Variants in TSGA10 observed in about 807,000 individuals in gnomAD.
The protein encoded by TSGA10 is testis-specific gene 10 protein.
In TSGA10, 43 loss-of-function variants were observed where a neutral mutation model predicts 96.6. The ratio of observed to expected loss-of-function variants is 0.44; its 90% CI spans 0.35 to 0.57. The LOEUF (loss-of-function observed/expected upper bound fraction) is 0.57, where lower values mean the gene tolerates loss of function less well. Ranked by LOEUF, TSGA10 falls within the 20% of genes least tolerant of loss-of-function variation. The probability of loss-of-function intolerance (pLI) is 0.01; values close to 1 mark genes in which losing one functional copy is unlikely to be tolerated. For missense variants in TSGA10, 703 were observed against 834.4 expected, an observed-to-expected ratio of 0.84 and a Z score of 1.94; for synonymous variants, 229 against 269.9, an observed-to-expected ratio of 0.85 and a Z score of 1.48.
chr2:99,019,532 C>G (rs181852809), intron 18 of TSGA10, among the ~76,000 whole-genome samples: 1 of 152,268 alleles, frequency 6.6e-6, no homozygotes, highest in African/African-American at 2.4e-5. Context: ...GAAGCCCTTG[C>G]CTAGTCAGGG....
At chr2:99,127,594 A>G (rs2092896238) in intron 1 of TSGA10, among the ~76,000 whole-genome samples, 1 of 152,240 alleles carries the variant, frequency 6.6e-6, no homozygotes, top group Admixed American at 6.5e-5. Context: ...ATCCCTAGAA[A>G]TAAAAAAGAT....
At chr2:99,089,056 A>G (rs1338669966) in intron 10 of TSGA10, among the ~76,000 whole-genome samples, 4 of 152,190 alleles carry the variant, frequency 2.6e-5, no homozygotes, top group Admixed American at 2.0e-4. Context: ...GACCTGAGAG[A>G]CAGCCCACAT....
chr2:99,065,686 C>T lies in TSGA10; in HGVS notation c.1219-562G>A, dbSNP rs930210884. Among the ~76,000 whole-genome samples, 5 of 152,146 alleles carry T rather than the reference C, an allele frequency of 3.3e-5. No homozygotes were observed. In the East Asian group the frequency reaches 9.6e-4, roughly 29 times the overall value. On this transcript the variant is annotated intron_variant, in intron 15 of 20. Transcript: ENST00000393483. ...CTGTTCTATGATTATCTTTTACCTGCTAGTCTAGTAACTTTCCCTGCCAGT... is the reference window on the plus strand; with the variant it reads ...CTGTTCTATGATTATCTTTTACCTGTTAGTCTAGTAACTTTCCCTGCCAGT...
Position 99,085,609 on chromosome 2 carries a change from T to TAAAAAAAA in TSGA10, c.612-4220_612-4213dup, listed in dbSNP as rs200309936. Among the ~76,000 whole-genome samples the TAAAAAAAA allele has an allele frequency of 3.8e-4, 20 of 52,460 alleles. 1 individual carries two copies. Among genetic ancestry groups the TAAAAAAAA allele is most frequent in the African/African-American group, 1.9e-3 (16 of 8,458 alleles). The allele number at this position is 52,460 out of a possible 152,430, so 34.4% of individuals were successfully genotyped here. ...GGGCAACAGAGGGCAATCCTGTCTT[T>TAAAAAAAA]AAAAAAAAAAAAAAAAAAAAAAAAA... On this transcript the variant is annotated intron_variant, in intron 10 of 20. Coordinates refer to ENST00000393483, the MANE Select transcript of TSGA10 (RefSeq NM_025244.4).
chr2:99,007,234 A>G (rs2078576580), intron 20 of TSGA10, among the ~76,000 whole-genome samples: 1 of 152,220 alleles, frequency 6.6e-6, no homozygotes, highest in Admixed American at 6.5e-5. Context: ...TGGCACATGT[A>G]TACATATGTA....
rs1384118695 is a variant in TSGA10 at position 99,069,008 on chromosome 2, A to C, written c.1108-10T>G. On this transcript the variant is annotated splice_polypyrimidine_tract_variant and intron_variant, in intron 14 of 20. Coordinates refer to ENST00000393483, the MANE Select transcript of TSGA10 (RefSeq NM_025244.4). ...ATTTTTTGGACAGTGCCTACGAAAA[A>C]AAGATAGGTATATTTGACTATGAAA... 3 of 1,380,286 alleles carry C rather than the reference A, an allele frequency of 2.2e-6. No homozygotes were observed. Among genetic ancestry groups the C allele is most frequent in the Non-Finnish European group, 1.9e-6 (2 of 1,039,436 alleles). The allele number at this position is 1,380,286 out of a possible 1,614,324, so 85.5% of individuals were successfully genotyped here. A position where few individuals can be genotyped will look rare whatever the true frequency, so the allele number is the denominator to read the frequency against.
intron 2 of TSGA10, among the ~76,000 whole-genome samples, chr2:99,123,528 C>T (rs1358103580): frequency 6.6e-6 from 1 of 152,174 alleles, no homozygotes; most frequent in East Asian, 1.9e-4. Context: ...GTTTTATTGT[C>T]ACAAAATATA....
At chr2:99,095,562 T>TA (rs2089945651) in intron 10 of TSGA10, among the ~76,000 whole-genome samples, 1 of 152,104 alleles carries the variant, frequency 6.6e-6, no homozygotes, top group African/African-American at 2.4e-5. Flanking sequence ...TATACTTTAG[T>TA]GAGATTTAAC....
At chr2:99,000,510 TAAA>T (rs71013451) in intron 20 of TSGA10, among the ~76,000 whole-genome samples, 28 of 124,398 alleles carry the variant, frequency 2.3e-4, no homozygotes, top group Non-Finnish European at 3.8e-4. Context: ...AACTCTGACT[TAAA>T]AAAAAAAAAA....
At position 99,127,193 on chromosome 2, in the gene TSGA10, G is replaced by A. The variant is rs1004594487; in HGVS notation, c.-620-17C>T. 1.6e-6 allele frequency: 2 copies of A among 1,269,624 alleles called. No individual in the cohort carries two copies. The highest frequency in any genetic ancestry group is 2.0e-6 in the Non-Finnish European group (2 of 981,892). 78.6% of individuals were successfully genotyped at this position (1,269,624 alleles called of 1,614,324 possible). A position where few individuals can be genotyped will look rare whatever the true frequency, so the allele number is the denominator to read the frequency against. ...GGTGGTAACCTAGTACAAAGAATGG[G>A]AAATAATACAGAGGCATTCAGTTTA... is the stretch of plus-strand genomic sequence containing the variant. On this transcript the variant is annotated splice_polypyrimidine_tract_variant and intron_variant, in intron 1 of 20. Transcript: ENST00000393483.
chr2:99,077,095 C>T (rs940181743), intron 12 of TSGA10, among the ~76,000 whole-genome samples: 5 of 145,424 alleles, frequency 3.4e-5, no homozygotes, highest in Admixed American at 1.4e-4. Context: ...CTCCTTATTA[C>T]ACTAGAGGCT....
At chr2:99,037,236 C>T (rs891579787) in intron 16 of TSGA10, among the ~76,000 whole-genome samples, 9 of 152,250 alleles carry the variant, frequency 5.9e-5, no homozygotes, top group South Asian at 4.1e-4. Context: ...AGACAGACTA[C>T]GTATGCCCTA....
chr2:99,121,349 T>C (rs1264178598), intron 2 of TSGA10, among the ~76,000 whole-genome samples: 1 of 44,244 alleles, frequency 2.3e-5, no homozygotes, highest in African/African-American at 8.2e-5. Context: ...CTATTTTTTA[T>C]TTTAGTTACT....
intron 1 of TSGA10, chr2:99,142,047 T>C (rs1458724612): frequency 6.6e-6 from 1 of 152,284 alleles, no homozygotes; most frequent in African/African-American, 2.4e-5. Flanking sequence ...AAAGTCCAGA[T>C]TCCTGACCGA....
intron 10 of TSGA10, among the ~76,000 whole-genome samples, chr2:99,087,896 CACAA>C (rs2088756956): frequency 1.3e-5 from 2 of 152,118 alleles, no homozygotes; most frequent in Admixed American, 1.3e-4. Context: ...ATAAATGGCA[CACAA>C]ACAGGCACTC....
chr2:99,049,946 T>C (rs1250734349), intron 16 of TSGA10, among the ~76,000 whole-genome samples: 1 of 152,166 alleles, frequency 6.6e-6, no homozygotes, highest in Admixed American at 6.5e-5. Context: ...GCTGCATCTC[T>C]TTTCCATCTG....
intron 2 of TSGA10, among the ~76,000 whole-genome samples, chr2:99,120,071 T>A (rs2092490977): frequency 6.6e-6 from 1 of 152,178 alleles, no homozygotes; most frequent in Admixed American, 6.5e-5. Flanking sequence ...TTTTATAAGA[T>A]GCATTAAAAT....
chr2:99,023,449 T>C (rs1335890893), intron 17 of TSGA10, among the ~76,000 whole-genome samples: 1 of 152,150 alleles, frequency 6.6e-6, no homozygotes, highest in Non-Finnish European at 1.5e-5. Flanking sequence ...TTTTTTTTGT[T>C]TGTGTTTTTG....
At chr2:99,094,494 C>A (rs1262245517) in intron 10 of TSGA10, among the ~76,000 whole-genome samples, 1 of 152,076 alleles carries the variant, frequency 6.6e-6, no homozygotes, top group Non-Finnish European at 1.5e-5. Flanking sequence ...TCTTCACAAT[C>A]CATATATCTG....
Sources: allele counts gnomAD v4.1 joint callset (sites outside exome capture counted in the v4.1 genomes callset), GRCh38; gene constraint gnomAD v4.1.1; transcripts MANE v1.5; gene names NCBI Gene and HGNC (gene_info 2026-07-23, HGNC 2026-07-21).